COL24A1: variants seen among roughly 807,000 people sequenced by gnomAD.
COL24A1 encodes collagen type XXIV alpha 1 chain.
In COL24A1, 224 loss-of-function variants were observed where a neutral mutation model predicts 253.9. The ratio of observed to expected loss-of-function variants is 0.88; its 90% CI spans 0.79 to 0.99. The LOEUF is 0.99. Ranked by LOEUF, COL24A1 falls within the 50% of genes least tolerant of loss-of-function variation. The probability of loss-of-function intolerance (pLI) is 0.00; values close to 1 mark genes in which losing one functional copy is unlikely to be tolerated. For synonymous variants in COL24A1, 685 were observed against 673.7 expected, an observed-to-expected ratio of 1.02 and a Z score of -0.26; for missense variants, 2,131 against 2,068.5, an observed-to-expected ratio of 1.03 and a Z score of -0.59.
chr1:86,112,576 A>T lies in COL24A1; in HGVS notation c.1590T>A (p.Pro530=), dbSNP rs747740302. Residue 530 remains proline, a synonymous_variant, in exon 5 of 60, where the codon CCT becomes CCA. Transcript: ENST00000370571. ...PHGNPGLPGL[P]GPKGPKGDPG... ...ATTAGTAGTCACTTACCTTTGGACC[A>T]GGTAATCCAGGTAAACCAGGATTTC... 2 of 1,613,200 alleles carry T rather than the reference A, an allele frequency of 1.2e-6. No homozygotes were observed. The highest frequency in any genetic ancestry group is 2.7e-5 in the African/African-American group (2 of 74,932).
Position 85,784,354 on chromosome 1 carries a change from G to A in COL24A1, c.4072C>T (p.Leu1358=), listed in dbSNP as rs1669451560. The change falls in exon 49 of 60, where the codon CTA becomes TTA. Residue 1358 remains leucine, a synonymous_variant. Coordinates refer to ENST00000370571, the MANE Select transcript of COL24A1 (RefSeq NM_152890.7). ...CCTTGAATTCCAGGTTGACCAGGTA[G>A]CCCTTGTTCACCCTATGGGTAGAAC... ...GIQGPKGEQG[L]PGQPGIQGKR... 2 of 1,613,494 alleles carry A rather than the reference G, an allele frequency of 1.2e-6. No individual in the cohort carries two copies. The highest frequency in any genetic ancestry group is 1.7e-4 in the Middle Eastern group (1 of 6,058).
chr1:86,120,698 T>C (rs530350179), intron 3 of COL24A1, among the ~76,000 whole-genome samples: 1 of 152,244 alleles, frequency 6.6e-6, no homozygotes, highest in South Asian at 2.1e-4. Context: ...TTGATGGGAG[T>C]GTAAACTAGT....
At chr1:86,133,807 T>TTC (rs893200233) in intron 2 of COL24A1, among the ~76,000 whole-genome samples, 1 of 87,056 alleles carries the variant, frequency 1.1e-5, no homozygotes, top group Non-Finnish European at 2.9e-5. Flanking sequence ...TGGTCTAAAA[T>TTC]TCTTTTTTTG....
intron 6 of COL24A1, among the ~76,000 whole-genome samples, chr1:86,089,962 A>T (rs1703368994): frequency 6.6e-6 from 1 of 152,144 alleles, no homozygotes; most frequent in Non-Finnish European, 1.5e-5. Flanking sequence ...AGAGAATCTC[A>T]CGGGCTGTGG....
chr1:85,812,805 TGGG>T (rs1672679833), intron 47 of COL24A1, among the ~76,000 whole-genome samples: 1 of 152,184 alleles, frequency 6.6e-6, no homozygotes, highest in Non-Finnish European at 1.5e-5. Context: ...GGTTGCTCAA[TGGG>T]CCCACTAACA....
intron 37 of COL24A1, among the ~76,000 whole-genome samples, chr1:85,858,751 C>A (rs1427511510): frequency 1.3e-5 from 2 of 148,322 alleles, no homozygotes; most frequent in South Asian, 2.1e-4. Context: ...TCCTTCTTTT[C>A]TTTTCTTTTC....
chr1:85,923,282 A>G (rs190340520), intron 24 of COL24A1, among the ~76,000 whole-genome samples: 27 of 152,322 alleles, frequency 1.8e-4, no homozygotes, highest in African/African-American at 6.0e-4. Flanking sequence ...GTTAAAAAGG[A>G]TATCCAGGAC....
intron 53 of COL24A1, among the ~76,000 whole-genome samples, chr1:85,772,714 G>T (rs936860043): frequency 6.6e-6 from 1 of 152,020 alleles, no homozygotes; most frequent in African/African-American, 2.4e-5. Context: ...TTTTGATGGG[G>T]TTGTTTGTTT....
intron 6 of COL24A1, among the ~76,000 whole-genome samples, chr1:86,092,059 A>T (rs1221047067): frequency 6.6e-6 from 1 of 152,100 alleles, no homozygotes; most frequent in Admixed American, 6.5e-5. Flanking sequence ...CTTTAATAAA[A>T]GTAATGTTAA....
intron 43 of COL24A1, among the ~76,000 whole-genome samples, chr1:85,833,997 A>C (rs1002536371): frequency 6.6e-6 from 1 of 151,168 alleles, no homozygotes; most frequent in Non-Finnish European, 1.5e-5. Flanking sequence ...GGATAGCATT[A>C]GGAGCTATAC....
At chr1:85,802,957 CA>C (rs1671591210) in intron 47 of COL24A1, among the ~76,000 whole-genome samples, 1 of 152,042 alleles carries the variant, frequency 6.6e-6, no homozygotes, top group Non-Finnish European at 1.5e-5. Context: ...TTTATTTAGC[CA>C]TTCACTTTTT....
chr1:85,759,826 G>T (rs1666655791), intron 55 of COL24A1, among the ~76,000 whole-genome samples: 1 of 152,134 alleles, frequency 6.6e-6, no homozygotes, highest in African/African-American at 2.4e-5. Flanking sequence ...CACACAGTTT[G>T]GCACTTAAAT....
chr1:85,972,803 G>T (rs989005887), intron 20 of COL24A1, among the ~76,000 whole-genome samples: 46 of 150,854 alleles, frequency 3.0e-4, no homozygotes, highest in African/African-American at 9.9e-4. Context: ...TCAAACTTCA[G>T]TGGCACTGCT....
At chr1:85,894,763 C>T (rs1683479916) in intron 31 of COL24A1, among the ~76,000 whole-genome samples, 2 of 152,076 alleles carry the variant, frequency 1.3e-5, no homozygotes, top group Non-Finnish European at 2.9e-5. Context: ...AAGTTCTTTC[C>T]TAGACATAGT....
chr1:86,029,044 T>C (rs1359288399), intron 14 of COL24A1, among the ~76,000 whole-genome samples: 1 of 152,038 alleles, frequency 6.6e-6, no homozygotes, highest in Non-Finnish European at 1.5e-5. Flanking sequence ...ATAGATTAAA[T>C]AAAAACTGCA....
chr1:85,916,407 G>A (rs1333280930), intron 24 of COL24A1, among the ~76,000 whole-genome samples: 3 of 152,132 alleles, frequency 2.0e-5, no homozygotes, highest in Non-Finnish European at 4.4e-5. Context: ...ACAGGGTTCC[G>A]GCCATGCCCA....
chr1:85,904,313 CTG>C (rs1366008783), intron 28 of COL24A1, among the ~76,000 whole-genome samples: 1 of 152,128 alleles, frequency 6.6e-6, no homozygotes, highest in Non-Finnish European at 1.5e-5. Context: ...TAACTTCGCT[CTG>C]TGTCATCTCT....
At chr1:85,985,743 T>C (rs1275561824) in intron 20 of COL24A1, among the ~76,000 whole-genome samples, 6 of 151,750 alleles carry the variant, frequency 4.0e-5, no homozygotes, top group Non-Finnish European at 7.4e-5. Flanking sequence ...CATGAGGTCA[T>C]TGAAGAGTCA....
intron 58 of COL24A1, chr1:85,736,538 C>T: frequency 2.2e-6 from 1 of 454,812 alleles, no homozygotes; most frequent in South Asian, 1.6e-5. Flanking sequence ...TCTTCTATTT[C>T]AGGGGTAATA....
Sources: gnomAD v4.1 joint callset for allele counts (sites outside exome capture counted in the v4.1 genomes callset) on GRCh38, gnomAD v4.1.1 for gene constraint, MANE v1.5 for transcripts, NCBI Gene and HGNC (gene_info 2026-07-23, HGNC 2026-07-21) for gene names.